PKP4: variants seen among roughly 807,000 people sequenced by gnomAD.
PKP4 encodes plakophilin 4, also known as plakophilin-4.
PKP4 carries 90 observed loss-of-function variants against 145.1 expected under a neutral mutation model. The observed-to-expected ratio is 0.62, with a 90% CI of 0.52 to 0.74. PKP4 has a LOEUF of 0.74. PKP4 is among the 30% of genes least tolerant of loss of function. The pLI is 0.00. For synonymous variants in PKP4, 563 were observed against 577.2 expected (o/e 0.98, Z 0.35); for missense variants, 1,340 against 1,482.7 (o/e 0.90, Z 1.58).
intron 1 of PKP4, among the ~76,000 whole-genome samples, chr2:158,466,362 A>G (rs556198229): frequency 2.0e-5 from 3 of 152,248 alleles, no homozygotes; most frequent in East Asian, 1.9e-4. Flanking sequence ...TTTCTAATAC[A>G]ACTTGCTAGA....
At chr2:158,589,029 T>C (rs2049034838) in intron 3 of PKP4, 1 of 152,206 alleles carries the variant, frequency 6.6e-6, no homozygotes, top group Non-Finnish European at 1.5e-5. Context: ...TGAAGAATGC[T>C]GTTGATGAGG....
At chr2:158,551,780 AAAT>A (rs1193251664) in intron 2 of PKP4, among the ~76,000 whole-genome samples, 1 of 152,230 alleles carries the variant, frequency 6.6e-6, no homozygotes, top group African/African-American at 2.4e-5. Flanking sequence ...GAAAAAATCA[AAAT>A]AAGTATCTCA....
chr2:158,556,507 T>C (rs565998571), intron 2 of PKP4, among the ~76,000 whole-genome samples: 1 of 143,656 alleles, frequency 7.0e-6, no homozygotes, highest in Non-Finnish European at 1.5e-5. Context: ...AAATGAAGCA[T>C]TGTGGCTCTT....
At chr2:158,467,910 TA>T (rs1430212422) in intron 1 of PKP4, among the ~76,000 whole-genome samples, 2 of 152,186 alleles carry the variant, frequency 1.3e-5, no homozygotes, top group Admixed American at 6.5e-5. Context: ...TGATTTGGGA[TA>T]TTTTTTCCCA....
At chr2:158,532,343 TATATC>T (rs1454389502) in intron 1 of PKP4, among the ~76,000 whole-genome samples, 4 of 152,118 alleles carry the variant, frequency 2.6e-5, no homozygotes, top group Admixed American at 6.6e-5. Flanking sequence ...AGACTGAAAA[TATATC>T]ATCCTTCATT....
chr2:158,586,209 T>G (rs906715173), intron 3 of PKP4, among the ~76,000 whole-genome samples: 20 of 152,308 alleles, frequency 1.3e-4, no homozygotes, highest in African/African-American at 4.8e-4. Context: ...TTGGCTCTTA[T>G]GAATAGTGCT....
intron 1 of PKP4, among the ~76,000 whole-genome samples, chr2:158,483,427 C>T (rs1020156500): frequency 6.6e-6 from 1 of 150,630 alleles, no homozygotes; most frequent in Non-Finnish European, 1.5e-5. Flanking sequence ...AGGTTTGGAT[C>T]TCCAACTTGC....
chr2:158,632,029 G>T, intron 8 of PKP4, 88 bp downstream of exon 8: 2 of 1,210,498 alleles, frequency 1.7e-6, no homozygotes, highest in Non-Finnish European at 1.2e-6. Flanking sequence ...CTGTTAGAAG[G>T]AAATCATGTT....
At chr2:158,561,751 C>T (rs1187527655) in intron 2 of PKP4, among the ~76,000 whole-genome samples, 15 of 152,118 alleles carry the variant, frequency 9.9e-5, no homozygotes, top group Non-Finnish European at 2.9e-5. Context: ...TTCTCTCTAC[C>T]CATCGCAGTG....
chr2:158,515,466 GGAAAA>G (rs1194499572), intron 1 of PKP4, among the ~76,000 whole-genome samples: 3 of 151,870 alleles, frequency 2.0e-5, no homozygotes, highest in Non-Finnish European at 4.4e-5. Context: ...TGAAAAAAAA[GGAAAA>G]GAAAATAATT....
At chr2:158,513,943 G>GA (rs775417769) in intron 1 of PKP4, among the ~76,000 whole-genome samples, 2 of 152,102 alleles carry the variant, frequency 1.3e-5, no homozygotes, top group Non-Finnish European at 2.9e-5. Context: ...CATCTTCCCT[G>GA]ACGACCCCGC....
rs2042587621 is a variant in PKP4 at position 158,523,236 on chromosome 2, A to G, written c.-5-9944A>G. 2.7e-5 allele frequency among the ~76,000 whole-genome samples: 4 copies of G among 149,814 alleles called. No individual in the cohort carries two copies. In the South Asian group the frequency reaches 8.7e-4, roughly 33 times the overall value. Reference sequence around the variant, plus strand: ...CTGCAGACTTAAATGTCCCTGTCTGACAGCTTTGAAGAGAGCAGTGGTTCT... The same window carrying G: ...CTGCAGACTTAAATGTCCCTGTCTGGCAGCTTTGAAGAGAGCAGTGGTTCT... On this transcript the variant is annotated intron_variant, in intron 1 of 21. Transcript: ENST00000389759.
intron 3 of PKP4, among the ~76,000 whole-genome samples, chr2:158,595,724 T>A (rs1271009763): frequency 6.6e-6 from 1 of 152,212 alleles, no homozygotes; most frequent in Non-Finnish European, 1.5e-5. Flanking sequence ...TTTGACAGAA[T>A]GTGTTAAACT....
At chr2:158,467,230 C>T (rs1253665340) in intron 1 of PKP4, among the ~76,000 whole-genome samples, 2 of 152,100 alleles carry the variant, frequency 1.3e-5, no homozygotes, top group East Asian at 3.9e-4. Flanking sequence ...ATATTGTTTT[C>T]CCCAGTGGTA....
intron 12 of PKP4, 105 bp downstream of exon 12, chr2:158,658,419 C>T (rs1440972257): frequency 2.9e-6 from 2 of 697,982 alleles, no homozygotes; most frequent in Non-Finnish European, 4.7e-6. Context: ...TCTAAGTTTC[C>T]AGTTTTTATT....
At chr2:158,650,749 C>T (rs2055284882) in intron 11 of PKP4, among the ~76,000 whole-genome samples, 1 of 152,220 alleles carries the variant, frequency 6.6e-6, no homozygotes, top group Non-Finnish European at 1.5e-5. Flanking sequence ...ACAGCTGGAC[C>T]TGAGTGAGCT....
At chr2:158,546,289 T>C (rs1213869521) in intron 2 of PKP4, among the ~76,000 whole-genome samples, 1 of 152,230 alleles carries the variant, frequency 6.6e-6, no homozygotes, top group South Asian at 2.1e-4. Flanking sequence ...AAACGTCATT[T>C]TTCTTCAGAT....
At chr2:158,610,306 C>T (rs1314420505) in intron 4 of PKP4, among the ~76,000 whole-genome samples, 1 of 152,094 alleles carries the variant, frequency 6.6e-6, no homozygotes, top group Non-Finnish European at 1.5e-5. Context: ...TTCACTGCTT[C>T]ACATCTCGAA....
intron 4 of PKP4, among the ~76,000 whole-genome samples, chr2:158,619,712 A>G (rs1168684121): frequency 6.6e-6 from 1 of 152,236 alleles, no homozygotes; most frequent in Non-Finnish European, 1.5e-5. Context: ...TGTTCAACAA[A>G]TATTTACTGA....
Sources: allele counts gnomAD v4.1 joint callset (sites outside exome capture counted in the v4.1 genomes callset), GRCh38; gene constraint gnomAD v4.1.1; transcripts MANE v1.5; gene names NCBI Gene and HGNC (gene_info 2026-07-23, HGNC 2026-07-21).